USP6NL: variants seen among roughly 807,000 people sequenced by gnomAD.
The protein encoded by USP6NL is USP6 N-terminal like.
USP6NL carries 26 observed loss-of-function variants against 61.9 expected under a neutral mutation model. The observed-to-expected ratio is 0.42, with a 90% confidence interval of 0.31 to 0.58. The LOEUF (loss-of-function observed/expected upper bound fraction) is 0.58. Ranked by LOEUF, USP6NL falls within the 20% of genes least tolerant of loss-of-function variation. USP6NL has a pLI of 0.16. For synonymous variants in USP6NL, 432 were observed against 390.1 expected (o/e 1.11, Z -1.27); for missense variants, 1,114 against 1,034.3 (o/e 1.08, Z -1.06).
chr10:11,582,966 T>C (rs1837835661), intron 2 of USP6NL, among the ~76,000 whole-genome samples: 1 of 149,140 alleles, frequency 6.7e-6, no homozygotes, highest in African/African-American at 2.5e-5. Context: ...CGAATTGCTG[T>C]TTTACAGGGG....
rs949382075 is a variant in USP6NL, at chr10:11,585,020, G to C, written c.4+12611C>G. Among the ~76,000 whole-genome samples the C allele has an allele frequency of 2.0e-5, 3 of 152,146 alleles. No individual in the cohort carries two copies. The highest frequency in any genetic ancestry group is 7.2e-5 in the African/African-American group (3 of 41,438). ...CTACACTGCTTCATAATAAATTTTT[G>C]GAAGGTGCAAAAGGAGCATTCAAAG... On this transcript the variant is annotated intron_variant, in intron 2 of 14. Coordinates refer to ENST00000609104, the MANE Select transcript of USP6NL (RefSeq NM_014688.5). This position sits in a 1 kb window ranked among gnomAD's most constrained non-coding sequence, Gnocchi z 4.5.
intron 1 of USP6NL, among the ~76,000 whole-genome samples, chr10:11,608,376 A>G (rs1838774152): frequency 6.6e-6 from 1 of 152,224 alleles, no homozygotes; most frequent in African/African-American, 2.4e-5. Context: ...AGATGATCCA[A>G]GAACAGTGCC....
At chr10:11,507,567 C>T (rs1261409191) in intron 6 of USP6NL, among the ~76,000 whole-genome samples, 2 of 152,130 alleles carry the variant, frequency 1.3e-5, no homozygotes, top group Non-Finnish European at 2.9e-5. Flanking sequence ...GTAAGATACC[C>T]ATGTCAAAAA....
rs530985296 is a variant in USP6NL at position 11,474,698 on chromosome 10, AT to A, written c.1078+7071del. Among the ~76,000 whole-genome samples, 3 of 151,968 alleles carry A rather than the reference AT, an allele frequency of 2.0e-5. No individual in the cohort carries two copies. The highest frequency in any genetic ancestry group is 4.8e-5 in the African/African-American group (2 of 41,380). On this transcript the variant is annotated intron_variant, in intron 14 of 14. Transcript: ENST00000609104. The surrounding 1 kb of genome is among the most constrained non-coding windows in gnomAD (Gnocchi z 4.9). ...TAGAAAATTTGTCCTTGAATTAATG[AT>A]TTTTTTTAAAAAAAACTTGCATCAA... is the stretch of plus-strand genomic sequence containing the variant.
chr10:11,503,821 C>G (rs1215159032), intron 6 of USP6NL, among the ~76,000 whole-genome samples: 2 of 152,018 alleles, frequency 1.3e-5, no homozygotes, highest in African/African-American at 4.8e-5. Context: ...CAACGTAGAA[C>G]GTGAATCACA....
intron 2 of USP6NL, among the ~76,000 whole-genome samples, chr10:11,549,377 C>A (rs1836404940): frequency 6.6e-6 from 1 of 152,104 alleles, no homozygotes; most frequent in Non-Finnish European, 1.5e-5. Flanking sequence ...TCTGTAGAAT[C>A]CAAAATAAGT....
intron 1 of USP6NL, among the ~76,000 whole-genome samples, chr10:11,606,716 T>G (rs968604488): frequency 3.3e-5 from 5 of 151,780 alleles, no homozygotes; most frequent in Non-Finnish European, 5.9e-5. Context: ...AAAAATTATT[T>G]TTAAGAAATC....
At chr10:11,521,582 A>G (rs960033881) in intron 4 of USP6NL, among the ~76,000 whole-genome samples, 2 of 151,950 alleles carry the variant, frequency 1.3e-5, no homozygotes, top group Non-Finnish European at 2.9e-5. Flanking sequence ...GGGTTTCACC[A>G]TGTTGGCCAG....
At chr10:11,564,821 T>A (rs1224037734) in intron 2 of USP6NL, 1 of 152,220 alleles carries the variant, frequency 6.6e-6, no homozygotes, top group Non-Finnish European at 1.5e-5. Flanking sequence ...CAGGACCACA[T>A]ATACATTTGA....
In USP6NL at chr10:11,487,163, A is replaced by G. The variant is rs80024301; in HGVS notation, c.665-1252T>C. 0.014 allele frequency among the ~76,000 whole-genome samples: 2,135 copies of G among 152,314 alleles called. 47 individuals are homozygous for G. Among genetic ancestry groups the G allele is most frequent in the African/African-American group, 0.047 (1,937 of 41,560 alleles). ...TTCGAAAAGTCAATACAGTTCAGTA[A>G]TAACTAGCTCAAGAATGCTAAGAAG... On this transcript the variant is annotated intron_variant, in intron 10 of 14. Coordinates refer to ENST00000609104, the MANE Select transcript of USP6NL (RefSeq NM_014688.5). This position sits in a 1 kb window ranked among gnomAD's most constrained non-coding sequence, Gnocchi z 4.2.
rs1195190164 is a variant in USP6NL at position 11,482,617 on chromosome 10, A to G, written c.926-695T>C. On this transcript the variant is annotated intron_variant, in intron 13 of 14. Transcript: ENST00000609104. This position sits in a 1 kb window ranked among gnomAD's most constrained non-coding sequence, Gnocchi z 4.0. The stretch of plus-strand genomic sequence containing the variant: ...TTCCCCATTCACTAATGTATCACTG[A>G]TATCTCTCATTTCAACAAATATGAT... 1.3e-5 allele frequency among the ~76,000 whole-genome samples: 2 copies of G among 152,140 alleles called. No individual in the cohort carries two copies. Among genetic ancestry groups the G allele is most frequent in the Non-Finnish European group, 2.9e-5 (2 of 68,002 alleles).
chr10:11,590,905 A>G (rs1055370369), intron 2 of USP6NL, among the ~76,000 whole-genome samples: 3 of 152,172 alleles, frequency 2.0e-5, no homozygotes, highest in Non-Finnish European at 4.4e-5. Flanking sequence ...CCTGTAATGT[A>G]GCATATTTCA....
At chr10:11,500,127 C>T (rs189357110) in intron 7 of USP6NL, among the ~76,000 whole-genome samples, 7 of 152,192 alleles carry the variant, frequency 4.6e-5, no homozygotes, top group Non-Finnish European at 7.4e-5. Context: ...TGAGACTATA[C>T]GGGCACATGA....
chr10:11,541,271 A>ATG (rs1566168467), intron 2 of USP6NL, among the ~76,000 whole-genome samples: 8 of 122,648 alleles, frequency 6.5e-5, no homozygotes, highest in Admixed American at 2.4e-4. Flanking sequence ...ATATATATAT[A>ATG]TATATGTATG....
chr10:11,571,666 C>A (rs1231355179), intron 2 of USP6NL, among the ~76,000 whole-genome samples: 1 of 149,952 alleles, frequency 6.7e-6, no homozygotes, highest in Non-Finnish European at 1.5e-5. Context: ...TTTAAATTCT[C>A]TTCTTAGGGG....
rs1169747654 is a variant in USP6NL at position 11,562,472 on chromosome 10, A to G, written c.5-34905T>C. Reference sequence around the variant, plus strand: ...CAGTCATCACGTATCTCTGAGGACAAGGATTAAGTGTGGCTGAGGAGAAAC... The same window carrying G: ...CAGTCATCACGTATCTCTGAGGACAGGGATTAAGTGTGGCTGAGGAGAAAC... On this transcript the variant is annotated intron_variant, in intron 2 of 14. Transcript: ENST00000609104. The surrounding 1 kb of genome is among the most constrained non-coding windows in gnomAD (Gnocchi z 4.8). 5 of 985,400 alleles carry G rather than the reference A, an allele frequency of 5.1e-6. No individual in the cohort carries two copies. The highest frequency in any genetic ancestry group is 6.0e-6 in the Non-Finnish European group (5 of 829,924). The allele number at this position is 985,400 out of a possible 1,614,324, so 61.0% of individuals were successfully genotyped here.
rs1185854546 is a variant in USP6NL at position 11,476,918 on chromosome 10, C to G, written c.1078+4852G>C. 6.6e-6 allele frequency among the ~76,000 whole-genome samples: 1 copy of G among 152,166 alleles called. No individual in the cohort carries two copies. Among genetic ancestry groups the G allele is most frequent in the African/African-American group, 2.4e-5 (1 of 41,448 alleles). ...ACGGAGTCTTGCTCTGTCACCCAGG[C>G]TGAAGTGCAGTGGTGCGATCTTGAC... On this transcript the variant is annotated intron_variant, in intron 14 of 14. Transcript: ENST00000609104. This position sits in a 1 kb window ranked among gnomAD's most constrained non-coding sequence, Gnocchi z 4.3.
In USP6NL at chr10:11,470,451, T is replaced by C. The variant is rs961189051; in HGVS notation, c.1079-6602A>G. ...CTTTCTAGAGATTAATTATTCAACC[T>C]CCACTGAACTGAAAACACATCATGC... is the stretch of plus-strand genomic sequence containing the variant. On this transcript the variant is annotated intron_variant, in intron 14 of 14. Transcript: ENST00000609104. This position sits in a 1 kb window ranked among gnomAD's most constrained non-coding sequence, Gnocchi z 5.4. Among the ~76,000 whole-genome samples the C allele has an allele frequency of 6.6e-6, 1 of 152,118 alleles. No homozygotes were observed. Among genetic ancestry groups the C allele is most frequent in the African/African-American group, 2.4e-5 (1 of 41,390 alleles).
intron 2 of USP6NL, among the ~76,000 whole-genome samples, chr10:11,577,953 T>C (rs1332669251): frequency 8.3e-6 from 1 of 120,548 alleles, no homozygotes; most frequent in African/African-American, 2.6e-5. Flanking sequence ...GGTGATGTTA[T>C]TATACAGGTG....
Sources: allele counts gnomAD v4.1 joint callset (sites outside exome capture counted in the v4.1 genomes callset), GRCh38; gene constraint gnomAD v4.1.1; non-coding constraint Gnocchi (gnomAD v3.1); transcripts MANE v1.5; gene names NCBI Gene and HGNC (gene_info 2026-07-23, HGNC 2026-07-21).